DTNBP1: variants seen among roughly 807,000 people sequenced by gnomAD.
The protein encoded by DTNBP1 is dysbindin.
DTNBP1 carries 35 observed loss-of-function variants against 42.8 expected under a neutral mutation model. That is an observed-to-expected ratio of 0.82 (90% CI 0.63 to 1.09). The LOEUF is 1.09. Ranked by LOEUF, DTNBP1 falls within the 50% of genes least tolerant of loss-of-function variation. The probability of loss-of-function intolerance (pLI) is 0.00; values close to 1 mark genes in which losing one functional copy is unlikely to be tolerated. For missense variants in DTNBP1, 457 were observed against 424.2 expected, an observed-to-expected ratio of 1.08 and a Z score of -0.68; for synonymous variants, 171 against 162.2, an observed-to-expected ratio of 1.05 and a Z score of -0.41.
At position 15,644,496 on chromosome 6, in the gene DTNBP1, A is replaced by G. The variant is rs554042100; in HGVS notation, c.162-6692T>C. ...GAATATACATTCTTCTCATCTGTGC[A>G]TCGAACAGTCTCTAAAATTGACCAC... is the stretch of plus-strand genomic sequence containing the variant. On this transcript the variant is annotated intron_variant, in intron 3 of 9. Transcript: ENST00000344537. Among the ~76,000 whole-genome samples the G allele has an allele frequency of 5.9e-5, 9 of 152,306 alleles. No homozygotes were observed. The South Asian group carries it at 1.9e-3, about 32-fold the overall frequency.
chr6:15,643,310 C>G (rs1303480491), intron 3 of DTNBP1, among the ~76,000 whole-genome samples: 2 of 151,990 alleles, frequency 1.3e-5, no homozygotes, highest in Non-Finnish European at 2.9e-5. Flanking sequence ...GTAAAGCAAA[C>G]AAACCTTTCA....
chr6:15,637,375 A>C (rs1760090919), intron 4 of DTNBP1, among the ~76,000 whole-genome samples: 1 of 152,224 alleles, frequency 6.6e-6, no homozygotes, highest in Admixed American at 6.5e-5. Flanking sequence ...TTGACCAAAT[A>C]ATAAGGAATT....
At chr6:15,568,987 CT>C (rs1340312129) in intron 7 of DTNBP1, among the ~76,000 whole-genome samples, 1 of 152,136 alleles carries the variant, frequency 6.6e-6, no homozygotes, top group South Asian at 2.1e-4. Flanking sequence ...GTCAACTGTA[CT>C]TTTTTCCCCT....
chr6:15,548,448 CA>C (rs1774013348), intron 7 of DTNBP1: 1 of 120,124 alleles, frequency 8.3e-6, no homozygotes, highest in African/African-American at 3.8e-5. Context: ...GACACACACA[CA>C]CACACACACA....
chr6:15,595,848 A>G (rs766357731), intron 6 of DTNBP1, among the ~76,000 whole-genome samples: 19 of 152,234 alleles, frequency 1.2e-4, no homozygotes, highest in Non-Finnish European at 2.6e-4. Context: ...TCAGAACAGC[A>G]GGCTGAATGA....
intron 7 of DTNBP1, among the ~76,000 whole-genome samples, chr6:15,565,985 A>C (rs978898147): frequency 6.6e-6 from 1 of 152,238 alleles, no homozygotes; most frequent in South Asian, 2.1e-4. Context: ...ACTAAGAGGC[A>C]GCCTCATGCA....
intron 7 of DTNBP1, among the ~76,000 whole-genome samples, chr6:15,567,728 A>G (rs984821110): frequency 5.9e-5 from 9 of 152,224 alleles, no homozygotes; most frequent in African/African-American, 2.2e-4. Context: ...CTTTGGGCAC[A>G]TGTCCTCAGG....
chr6:15,522,838 T>TAAAA lies in DTNBP1; in HGVS notation c.*136_*137insTTTT. 2.0e-6 allele frequency: 3 copies of TAAAA among 1,464,800 alleles called. No individual in the cohort carries two copies. Among genetic ancestry groups the TAAAA allele is most frequent in the Non-Finnish European group, 2.8e-6 (3 of 1,058,366 alleles). The allele number at this position is 1,464,800 out of a possible 1,614,324, so 90.7% of individuals were successfully genotyped here. A position where few individuals can be genotyped will look rare whatever the true frequency, so the allele number is the denominator to read the frequency against. Reference sequence around the variant, plus strand: ...GTCCTCACACTTTATTGTTAGCTGTTCTTTAAGTTTCTCACACATTATTGG... The same window carrying TAAAA: ...GTCCTCACACTTTATTGTTAGCTGTTAAAACTTTAAGTTTCTCACACATTATTGG... On this transcript the variant is annotated 3_prime_UTR_variant, in exon 10 of 10. Coordinates refer to ENST00000344537, the MANE Select transcript of DTNBP1 (RefSeq NM_032122.5).
intron 1 of DTNBP1, among the ~76,000 whole-genome samples, chr6:15,655,977 TA>T (rs1158158252): frequency 1.3e-5 from 2 of 152,206 alleles, no homozygotes; most frequent in Non-Finnish European, 2.9e-5. Flanking sequence ...AATACTGACC[TA>T]GGGGGAATAT....
intron 3 of DTNBP1, among the ~76,000 whole-genome samples, chr6:15,644,596 T>A (rs150882629): frequency 3.9e-5 from 6 of 152,126 alleles, no homozygotes; most frequent in Admixed American, 3.9e-4. Context: ...CAGACCACAG[T>A]GGAATAAAAT....
Position 15,573,541 on chromosome 6 carries a change from G to T in DTNBP1, c.511+19518C>A, listed in dbSNP as rs1228796138. Among the ~76,000 whole-genome samples the T allele has an allele frequency of 2.0e-5, 3 of 151,990 alleles. No homozygotes were observed. In the South Asian group the frequency reaches 6.2e-4, roughly 32 times the overall value. ...CAGCCTTTGTTTAAAAGACAAGGGC[G>T]CAGTGGCTCACATCTATAATCCCAG... On this transcript the variant is annotated intron_variant, in intron 7 of 9. Coordinates refer to ENST00000344537, the MANE Select transcript of DTNBP1 (RefSeq NM_032122.5).
At chr6:15,641,651 A>G (rs1361553394) in intron 3 of DTNBP1, among the ~76,000 whole-genome samples, 2 of 152,070 alleles carry the variant, frequency 1.3e-5, no homozygotes, top group African/African-American at 4.8e-5. Flanking sequence ...CAGATACCAT[A>G]CTTGTCGTGC....
intron 7 of DTNBP1, among the ~76,000 whole-genome samples, chr6:15,581,469 C>T (rs906834507): frequency 2.8e-5 from 4 of 143,438 alleles, no homozygotes; most frequent in African/African-American, 5.1e-5. Flanking sequence ...TGAGCCACCG[C>T]GCCCGACTGT....
At chr6:15,660,575 G>A (rs1227604207) in intron 1 of DTNBP1, 1 of 1,285,974 alleles carries the variant, frequency 7.8e-7, no homozygotes, top group Non-Finnish European at 1.0e-6. Context: ...AGGATGTCTA[G>A]CTCCAAAATG....
At chr6:15,585,472 C>T (rs1345707130) in intron 7 of DTNBP1, among the ~76,000 whole-genome samples, 5 of 151,040 alleles carry the variant, frequency 3.3e-5, no homozygotes, top group Admixed American at 2.6e-4. Flanking sequence ...CCTACATTTC[C>T]ATGCAACATT....
At chr6:15,626,184 C>A (rs1759334668) in intron 5 of DTNBP1, among the ~76,000 whole-genome samples, 1 of 152,124 alleles carries the variant, frequency 6.6e-6, no homozygotes, top group South Asian at 2.1e-4. Context: ...TGATTCTGAG[C>A]AAGTTGCAAC....
chr6:15,652,179 A>G, intron 1 of DTNBP1, 39 bp from the exon 2 acceptor site: 1 of 1,477,784 alleles, frequency 6.8e-7, no homozygotes, highest in East Asian at 2.5e-5. Flanking sequence ...TTACAAGTCA[A>G]GAGATTATTA....
At chr6:15,577,076 C>T (rs1406088433) in intron 7 of DTNBP1, among the ~76,000 whole-genome samples, 1 of 152,150 alleles carries the variant, frequency 6.6e-6, no homozygotes. Context: ...ATGTGGAGAG[C>T]CTTGAGAAAG....
intron 7 of DTNBP1, among the ~76,000 whole-genome samples, chr6:15,569,413 G>A (rs751051732): frequency 4.0e-5 from 5 of 124,470 alleles, no homozygotes; most frequent in African/African-American, 1.3e-4. Context: ...TCTATCTCCC[G>A]TCCTATGACC....
Sources: allele counts gnomAD v4.1 joint callset (sites outside exome capture counted in the v4.1 genomes callset), GRCh38; gene constraint gnomAD v4.1.1; transcripts MANE v1.5; gene names NCBI Gene and HGNC (gene_info 2026-07-23, HGNC 2026-07-21).